Variants in ABHD18 observed in about 807,000 individuals in gnomAD.
ABHD18 encodes the protein abhydrolase domain containing 18, also known as cardiolipin-specific deacylase, mitochondrial.
A neutral mutation model predicts 65.9 loss-of-function variants in ABHD18; 55 were observed. The ratio of observed to expected loss-of-function variants is 0.84; its 90% CI spans 0.67 to 1.05. The LOEUF (loss-of-function observed/expected upper bound fraction) is 1.05, where lower values mean the gene tolerates loss of function less well. Among genes scored for constraint, ABHD18 ranks in the 50% least tolerant of loss-of-function variants. The pLI is 0.00. For missense variants in ABHD18, 533 were observed against 558.5 expected (o/e 0.95, Z 0.46); for synonymous variants, 181 against 180.2 (o/e 1.00, Z -0.04).
At chr4:128,021,047 A>AAAAAG in intron 9 of ABHD18, 90 bp from the exon 10 acceptor site, 2 of 768,612 alleles carry the variant, frequency 2.6e-6, no homozygotes, top group Admixed American at 3.0e-5. Flanking sequence ...AAAAAAAAAA[A>AAAAAG]AAAGGTAGTC....
intron 1 of ABHD18, among the ~76,000 whole-genome samples, chr4:127,973,858 G>A (rs978019497): frequency 2.2e-5 from 3 of 133,802 alleles, no homozygotes; most frequent in African/African-American, 8.4e-5. Flanking sequence ...GAAGCTCATA[G>A]TCCCACAGCC....
At chr4:128,010,250 C>T (rs577035472) in intron 6 of ABHD18, among the ~76,000 whole-genome samples, 20 of 152,282 alleles carry the variant, frequency 1.3e-4, no homozygotes, top group Admixed American at 7.2e-4. Flanking sequence ...AGGATATAGG[C>T]CAGGTGCAGT....
At chr4:128,008,295 G>A (rs751208310) in intron 4 of ABHD18, among the ~76,000 whole-genome samples, 2 of 121,184 alleles carry the variant, frequency 1.7e-5, no homozygotes, top group Admixed American at 9.9e-5. Context: ...TTTTTGAGAC[G>A]GAGTCTCGCT....
chr4:128,009,700 C>T (rs1182500581), intron 6 of ABHD18: 1 of 153,322 alleles, frequency 6.5e-6, no homozygotes, highest in Non-Finnish European at 1.5e-5. Flanking sequence ...TTGAAATGGG[C>T]ACTCTTGTTA....
intron 1 of ABHD18, among the ~76,000 whole-genome samples, chr4:127,970,346 A>G (rs1400089395): frequency 1.3e-5 from 2 of 152,184 alleles, no homozygotes; most frequent in East Asian, 1.9e-4. Context: ...TAATCCCAGC[A>G]CTTTGGGAGG....
At chr4:127,998,837 G>A (rs1395201282) in intron 4 of ABHD18, among the ~76,000 whole-genome samples, 1 of 152,090 alleles carries the variant, frequency 6.6e-6, no homozygotes, top group African/African-American at 2.4e-5. Context: ...AATTGTCTAA[G>A]TCTGTAGCTT....
At chr4:128,001,869 C>A (rs1752699603) in intron 4 of ABHD18, 2 of 1,215,046 alleles carry the variant, frequency 1.6e-6, no homozygotes, top group African/African-American at 1.6e-5. Flanking sequence ...ATTCCTTGTG[C>A]CTGCCACTCA....
chr4:128,033,280 A>G (rs1758466249), intron 12 of ABHD18, among the ~76,000 whole-genome samples: 1 of 152,066 alleles, frequency 6.6e-6, no homozygotes, highest in Admixed American at 6.6e-5. Flanking sequence ...AGTGGGCAAT[A>G]ATTTCAAAGC....
At position 128,011,501 on chromosome 4, in the gene ABHD18, AAAG is replaced by A. The variant is rs1191584633; in HGVS notation, c.443-171_443-169del. ...CTGGTTTTTTTTTTTTTTTTAAAAA[AAAG>A]GAAAATAATTAAGTTGAAAACTTAA... On this transcript the variant is annotated intron_variant, in intron 6 of 12. Transcript: ENST00000645843. 5.9e-5 allele frequency among the ~76,000 whole-genome samples: 9 copies of A among 151,834 alleles called. No individual in the cohort carries two copies. In the East Asian group the frequency reaches 1.7e-3, roughly 29 times the overall value.
At chr4:128,015,251 A>G (rs1475359152) in intron 7 of ABHD18, among the ~76,000 whole-genome samples, 1 of 152,152 alleles carries the variant, frequency 6.6e-6, no homozygotes, top group Non-Finnish European at 1.5e-5. Context: ...GTCTCAAAAA[A>G]AAGAAAAAAG....
chr4:127,993,332 G>A (rs917302703), intron 4 of ABHD18, among the ~76,000 whole-genome samples: 13 of 152,234 alleles, frequency 8.5e-5, no homozygotes, highest in Admixed American at 3.9e-4. Flanking sequence ...ATTGAGGAAC[G>A]GTTCTTTCCA....
chr4:127,999,672 AG>A (rs1752342509), intron 4 of ABHD18, among the ~76,000 whole-genome samples: 1 of 152,180 alleles, frequency 6.6e-6, no homozygotes, highest in Non-Finnish European at 1.5e-5. Flanking sequence ...AGTTTATTAT[AG>A]ATTCCGGATA....
At chr4:128,029,236 G>A (rs1488008615) in intron 11 of ABHD18, among the ~76,000 whole-genome samples, 1 of 151,954 alleles carries the variant, frequency 6.6e-6, no homozygotes, top group Admixed American at 6.6e-5. Flanking sequence ...TTGCAAGCCT[G>A]TAGTTCCAGC....
At chr4:128,003,097 G>A (rs909674060) in intron 4 of ABHD18, among the ~76,000 whole-genome samples, 7 of 151,944 alleles carry the variant, frequency 4.6e-5, no homozygotes, top group Non-Finnish European at 2.9e-5. Flanking sequence ...AGCCGGGCAC[G>A]GTGGCTCACA....
intron 3 of ABHD18, among the ~76,000 whole-genome samples, chr4:127,986,146 A>G (rs1386538766): frequency 6.6e-6 from 1 of 152,216 alleles, no homozygotes; most frequent in Non-Finnish European, 1.5e-5. Context: ...CCTAAAAAGA[A>G]ACCCTGTATC....
chr4:128,001,825 T>G (rs769071322), intron 4 of ABHD18: 258 of 1,440,572 alleles, frequency 1.8e-4, no homozygotes, highest in Non-Finnish European at 2.1e-4. Context: ...AGTGGTTAGA[T>G]GTTGAGTTTT....
chr4:127,982,346 T>G (rs1749205552), intron 1 of ABHD18, among the ~76,000 whole-genome samples: 2 of 152,134 alleles, frequency 1.3e-5, no homozygotes, highest in Admixed American at 1.3e-4. Context: ...GATAGATAAA[T>G]GGTATAAAAG....
intron 6 of ABHD18, among the ~76,000 whole-genome samples, chr4:128,010,775 C>T (rs1754390350): frequency 6.6e-6 from 1 of 151,756 alleles, no homozygotes; most frequent in East Asian, 2.0e-4. Context: ...ATTAGCCAGG[C>T]GTGGTGGCGT....
At position 128,039,604 on chromosome 4, in the gene ABHD18, C is replaced by T. The variant is rs2149210729; in HGVS notation, c.*3791C>T. 1.3e-5 allele frequency: 2 copies of T among 152,170 alleles called. No homozygotes were observed. The highest frequency in any genetic ancestry group is 4.2e-4 in the South Asian group (2 of 4,812). 9.4% of individuals were successfully genotyped at this position (152,170 alleles called of 1,614,324 possible). On this transcript the variant is annotated 3_prime_UTR_variant, in exon 13 of 13. Coordinates refer to ENST00000645843, the MANE Select transcript of ABHD18 (RefSeq NM_001358451.3). The stretch of plus-strand genomic sequence containing the variant: ...TTCTTTGTATTTTTGTAATGTGGTG[C>T]TTTCTCTCATAAAGATAATTGAATT...
Sources: allele counts gnomAD v4.1 joint callset (sites outside exome capture counted in the v4.1 genomes callset), GRCh38; gene constraint gnomAD v4.1.1; transcripts MANE v1.5; gene names NCBI Gene and HGNC (gene_info 2026-07-23, HGNC 2026-07-21).